The following PDK1 variants were observed in gnomAD, a reference collection of about 807,000 sequenced individuals.
PDK1 encodes the protein [Pyruvate dehydrogenase (acetyl-transferring)] kinase isozyme 1, mitochondrial.
A neutral mutation model predicts 54.2 loss-of-function variants in PDK1; 39 were observed. The observed-to-expected ratio is 0.72, with a 90% CI of 0.56 to 0.94. The LOEUF (loss-of-function observed/expected upper bound fraction) is 0.94, where lower values mean the gene tolerates loss of function less well. Among genes scored for constraint, PDK1 ranks in the 40% least tolerant of loss-of-function variants. The probability of loss-of-function intolerance (pLI) is 0.00; values close to 1 mark genes in which losing one functional copy is unlikely to be tolerated. For synonymous variants in PDK1, 221 were observed against 207.1 expected, an observed-to-expected ratio of 1.07 and a Z score of -0.58; for missense variants, 552 against 566.0, an observed-to-expected ratio of 0.98 and a Z score of 0.25.
the PDK1 span, among the ~76,000 whole-genome samples, chr2:172,660,775 C>T: frequency 1.3e-5 from 2 of 151,900 alleles, no homozygotes; most frequent in Non-Finnish European, 2.9e-5. Context: ...GATTCCTGCT[C>T]GAGCCTCTCT....
intron 9 of PDK1, among the ~76,000 whole-genome samples, chr2:172,589,377 A>G (rs1384859740): frequency 6.6e-6 from 1 of 152,230 alleles, no homozygotes; most frequent in African/African-American, 2.4e-5. Flanking sequence ...ACCTTGGATC[A>G]TGAGGGATGA....
At chr2:172,678,668 C>A in the PDK1 span, among the ~76,000 whole-genome samples, 1 of 152,152 alleles carries the variant, frequency 6.6e-6, no homozygotes, top group Non-Finnish European at 1.5e-5. Context: ...GTATTTGATT[C>A]TTTCCCCAAT....
intron 2 of PDK1, among the ~76,000 whole-genome samples, chr2:172,561,277 A>G (rs1688641987): frequency 6.6e-6 from 1 of 152,242 alleles, no homozygotes; most frequent in South Asian, 2.1e-4. Flanking sequence ...TGGAGAGCGT[A>G]GTTGTTCTTG....
At chr2:172,564,417 G>C in intron 3 of PDK1, 86 bp from the exon 4 acceptor site, 1 of 1,033,450 alleles carries the variant, frequency 9.7e-7, no homozygotes, top group Non-Finnish European at 1.4e-6. Flanking sequence ...GGGATTTTTT[G>C]TCTAGCATAG....
the PDK1 span, among the ~76,000 whole-genome samples, chr2:172,663,560 C>T: frequency 6.6e-6 from 1 of 151,796 alleles, no homozygotes; most frequent in East Asian, 1.9e-4. Context: ...GCCTCCACCT[C>T]CCAGGCTCAA....
the PDK1 span, among the ~76,000 whole-genome samples, chr2:172,682,410 C>CA: frequency 2.0e-5 from 3 of 152,222 alleles, no homozygotes; most frequent in Non-Finnish European, 4.4e-5. Flanking sequence ...ATATGTGTTT[C>CA]AAAGTCTGGC....
chr2:172,683,834 G>T, the PDK1 span, among the ~76,000 whole-genome samples: 1 of 152,186 alleles, frequency 6.6e-6, no homozygotes, highest in Non-Finnish European at 1.5e-5. Flanking sequence ...AAAACCAAGC[G>T]AGTGGTGTGC....
the PDK1 span, among the ~76,000 whole-genome samples, chr2:172,672,475 A>C: frequency 6.6e-6 from 1 of 152,162 alleles, no homozygotes; most frequent in African/African-American, 2.4e-5. Context: ...TAATGACCCC[A>C]AAAGGCTGCT....
the PDK1 span, among the ~76,000 whole-genome samples, chr2:172,664,744 C>CTTTTTTTTTTTTTTTTTTTTTTTTTTTTT: frequency 4.6e-5 from 7 of 151,976 alleles, no homozygotes; most frequent in African/African-American, 1.7e-4. Context: ...TTATGCCTTT[C>CTTTTTTTTTTTTTTTTTTTTTTTTTTTTT]TTATTCTCCT....
chr2:172,705,849 A>G, the PDK1 span, among the ~76,000 whole-genome samples: 2 of 152,232 alleles, frequency 1.3e-5, no homozygotes, highest in African/African-American at 4.8e-5. Context: ...TGTAAACTTG[A>G]GTTTCTAAAT....
At chr2:172,684,982 G>T in the PDK1 span, among the ~76,000 whole-genome samples, 5 of 152,256 alleles carry the variant, frequency 3.3e-5, no homozygotes, top group South Asian at 1.0e-3. Context: ...TAGTGAATGA[G>T]TTCTCATGAG....
chr2:172,669,385 G>A, the PDK1 span, among the ~76,000 whole-genome samples: 2 of 152,146 alleles, frequency 1.3e-5, no homozygotes, highest in African/African-American at 2.4e-5. Flanking sequence ...GTATTCCATC[G>A]TGTATATATA....
the PDK1 span, among the ~76,000 whole-genome samples, chr2:172,669,845 G>T: frequency 3.9e-5 from 6 of 152,048 alleles, no homozygotes; most frequent in Admixed American, 3.9e-4. Context: ...TTTTAAAATT[G>T]GAGTCTTTGT....
rs1691020426 is a variant in PDK1 at position 172,599,042 on chromosome 2, T to G, written c.*3073T>G. The G allele has an allele frequency of 6.6e-6, 1 of 152,134 alleles. No homozygotes were observed. Among genetic ancestry groups the G allele is most frequent in the African/African-American group, 2.4e-5 (1 of 41,442 alleles). 9.4% of individuals were successfully genotyped at this position (152,134 alleles called of 1,614,324 possible). A position where few individuals can be genotyped will look rare whatever the true frequency, so the allele number is the denominator to read the frequency against. Reference sequence around the variant, plus strand: ...GTTTGACTTACCTTAGATTTTTATTTTCCATACATACTGCAAATGATTGAC... The same window carrying G: ...GTTTGACTTACCTTAGATTTTTATTGTCCATACATACTGCAAATGATTGAC... On this transcript the variant is annotated 3_prime_UTR_variant, in exon 11 of 11. Coordinates refer to ENST00000282077, the MANE Select transcript of PDK1 (RefSeq NM_002610.5).
At chr2:172,633,843 C>T in the PDK1 span, among the ~76,000 whole-genome samples, 1 of 141,544 alleles carries the variant, frequency 7.1e-6, no homozygotes, top group Non-Finnish European at 1.5e-5. Flanking sequence ...TAAAATTTTG[C>T]CTGTATGACA....
At chr2:172,568,638 C>T (rs756006251) in intron 6 of PDK1, 103 bp from the exon 7 acceptor site, 62 of 738,818 alleles carry the variant, frequency 8.4e-5, no homozygotes, top group Middle Eastern at 2.5e-4. Context: ...GTAATACTGT[C>T]CTCCGTAGTT....
the PDK1 span, among the ~76,000 whole-genome samples, chr2:172,707,788 A>G: frequency 6.6e-6 from 1 of 152,234 alleles, no homozygotes; most frequent in African/African-American, 2.4e-5. Flanking sequence ...TTTTCTGAAA[A>G]CCATTGACTT....
chr2:172,555,453 T>C (rs189484628), upstream of PDK1: 2,389 of 152,310 alleles, frequency 0.016, 25 homozygotes, highest in South Asian at 0.048. Context: ...AGCCAGTACA[T>C]GGCAGTACAT....
At position 172,571,823 on chromosome 2, in the gene PDK1, C is replaced by CGTTTTTTT. The variant is rs765005051; in HGVS notation, c.945+999_945+1000insGTTTTTTT. 3.7e-3 allele frequency among the ~76,000 whole-genome samples: 374 copies of CGTTTTTTT among 99,770 alleles called. 58 individuals carry two copies. The highest frequency in any genetic ancestry group is 7.3e-3 in the African/African-American group (188 of 25,622). The allele number at this position is 99,770 out of a possible 152,430, so 65.5% of individuals were successfully genotyped here. ...CTCAGAGATTCTTAGTCTTTCTTTA[C>CGTTTTTTT]TTTTTTTTTTTTTTTTTTTTTTTTT... On this transcript the variant is annotated intron_variant, in intron 8 of 10. Coordinates refer to ENST00000282077, the MANE Select transcript of PDK1 (RefSeq NM_002610.5).
Sources: allele counts gnomAD v4.1 joint callset (sites outside exome capture counted in the v4.1 genomes callset), GRCh38; gene constraint gnomAD v4.1.1; transcripts MANE v1.5; gene names NCBI Gene and HGNC (gene_info 2026-07-23, HGNC 2026-07-21).